Variants in ADGB observed in about 807,000 individuals in gnomAD.
The protein encoded by ADGB is androglobin, also known as calpain-7-like protein.
In ADGB, 172 loss-of-function variants were observed where a neutral mutation model predicts 210.5. That is an observed-to-expected ratio of 0.82 (90% CI 0.72 to 0.93). The LOEUF (loss-of-function observed/expected upper bound fraction) is 0.93, where lower values mean the gene tolerates loss of function less well. Among genes scored for constraint, ADGB ranks in the 40% least tolerant of loss-of-function variants. ADGB has a pLI of 0.00. For synonymous variants in ADGB, 658 were observed against 662.7 expected, an observed-to-expected ratio of 0.99 and a Z score of 0.11; for missense variants, 2,025 against 1,964.8, an observed-to-expected ratio of 1.03 and a Z score of -0.58.
chr6:146,814,960 CA>C, intron 35 of ADGB, 71 bp from the exon 36 acceptor site: 1 of 1,426,394 alleles, frequency 7.0e-7, no homozygotes, highest in Non-Finnish European at 9.4e-7. Context: ...AAAGGAATTT[CA>C]TTTTTTTCTT....
intron 31 of ADGB, 32 bp downstream of exon 31, chr6:146,784,826 A>G: frequency 2.6e-6 from 4 of 1,533,062 alleles, no homozygotes; most frequent in Non-Finnish European, 3.5e-6. Context: ...GTCATCTTTT[A>G]CTTTTCCTCC....
intron 33 of ADGB, among the ~76,000 whole-genome samples, chr6:146,799,793 T>C (rs373377510): frequency 6.6e-6 from 1 of 152,050 alleles, no homozygotes; most frequent in African/African-American, 2.4e-5. Flanking sequence ...AACGTAAAAC[T>C]GTTTCTTTTG....
chr6:146,632,966 G>T (rs1216996301), intron 1 of ADGB, among the ~76,000 whole-genome samples: 3 of 151,990 alleles, frequency 2.0e-5, no homozygotes, highest in African/African-American at 7.2e-5. Context: ...CCAGTCTTAA[G>T]ACTTTAAATA....
intron 13 of ADGB, among the ~76,000 whole-genome samples, chr6:146,710,088 C>T (rs1776638768): frequency 6.6e-6 from 1 of 150,470 alleles, no homozygotes; most frequent in Non-Finnish European, 1.5e-5. Context: ...AAATCTGGTT[C>T]CTTAAGCCAG....
rs533750030 is a variant in ADGB at position 146,683,540 on chromosome 6, A to G, written c.1217-2194A>G. Among the ~76,000 whole-genome samples, 30 of 152,172 alleles carry G rather than the reference A, an allele frequency of 2.0e-4. 1 individual carries two copies. The Middle Eastern group carries it at 0.027, about 138-fold the overall frequency. The stretch of plus-strand genomic sequence containing the variant: ...AACTAAACACTTGTGTTATTTTTTA[A>G]TATTTCAACATTACATATTACAATC... On this transcript the variant is annotated intron_variant, in intron 9 of 35. Transcript: ENST00000397944.
At chr6:146,744,845 A>G (rs1777206980) in intron 25 of ADGB, among the ~76,000 whole-genome samples, 1 of 152,318 alleles carries the variant, frequency 6.6e-6, no homozygotes, top group Non-Finnish European at 1.5e-5. Context: ...CCATTTAATA[A>G]CTTTTTCCTT....
At chr6:146,719,279 A>G (rs544302152) in intron 16 of ADGB, among the ~76,000 whole-genome samples, 1 of 152,374 alleles carries the variant, frequency 6.6e-6, no homozygotes, top group South Asian at 2.1e-4. Context: ...CTTTTGGTAC[A>G]CATAACCACC....
At chr6:146,809,762 T>G (rs1332144346) in intron 35 of ADGB, among the ~76,000 whole-genome samples, 2 of 152,098 alleles carry the variant, frequency 1.3e-5, no homozygotes, top group Admixed American at 6.5e-5. Flanking sequence ...AATATCCACA[T>G]GCAAAAGAAT....
chr6:146,691,576 T>C (rs1397724237), intron 11 of ADGB, among the ~76,000 whole-genome samples: 2 of 123,674 alleles, frequency 1.6e-5, no homozygotes, highest in African/African-American at 6.9e-5. Context: ...GGCATGATCT[T>C]GGCTCACTGC....
intron 23 of ADGB, among the ~76,000 whole-genome samples, chr6:146,737,852 C>G (rs1262387374): frequency 1.3e-5 from 2 of 152,198 alleles, no homozygotes; most frequent in Admixed American, 1.3e-4. Context: ...TGTGATCTTT[C>G]CACTACAGCC....
At chr6:146,651,866 G>A (rs972106224) in intron 3 of ADGB, among the ~76,000 whole-genome samples, 10 of 152,064 alleles carry the variant, frequency 6.6e-5, no homozygotes, top group Admixed American at 3.3e-4. Context: ...AGGAAAAAAA[G>A]TTTCAAAATG....
At chr6:146,661,220 C>CTTT (rs5880682) in intron 5 of ADGB, among the ~76,000 whole-genome samples, 13 of 116,074 alleles carry the variant, frequency 1.1e-4, no homozygotes, top group East Asian at 2.5e-4. Context: ...TTCTTTTTTT[C>CTTT]TTTTTTTTTT....
At chr6:146,618,374 C>T (rs1780835080) in intron 1 of ADGB, among the ~76,000 whole-genome samples, 1 of 151,496 alleles carries the variant, frequency 6.6e-6, no homozygotes, top group South Asian at 2.1e-4. Context: ...TCAGAAATAG[C>T]TCTGATATTT....
intron 20 of ADGB, among the ~76,000 whole-genome samples, chr6:146,730,198 T>G (rs1776958911): frequency 6.6e-6 from 1 of 152,218 alleles, no homozygotes; most frequent in East Asian, 1.9e-4. Flanking sequence ...CAAACTTGAC[T>G]GGGTGCTTGG....
intron 20 of ADGB, among the ~76,000 whole-genome samples, chr6:146,731,010 A>G (rs993251666): frequency 1.3e-5 from 2 of 152,194 alleles, no homozygotes; most frequent in African/African-American, 4.8e-5. Flanking sequence ...ATAACTTATC[A>G]TTACAAGTGT....
At chr6:146,603,123 A>C (rs1780583743) in intron 1 of ADGB, among the ~76,000 whole-genome samples, 1 of 152,210 alleles carries the variant, frequency 6.6e-6, no homozygotes, top group Non-Finnish European at 1.5e-5. Flanking sequence ...CATTCCATTG[A>C]GAATTAAAAT....
intron 8 of ADGB, among the ~76,000 whole-genome samples, chr6:146,675,247 A>T (rs1418114705): frequency 6.6e-6 from 1 of 152,138 alleles, no homozygotes; most frequent in Non-Finnish European, 1.5e-5. Context: ...TGAGCTCAGG[A>T]GTTCAAGACC....
At chr6:146,601,975 AAACTGAGATGTTAC>A (rs1317275347) in intron 1 of ADGB, among the ~76,000 whole-genome samples, 10 of 152,356 alleles carry the variant, frequency 6.6e-5, no homozygotes, top group African/African-American at 2.2e-4. Flanking sequence ...CAAAGTTCAA[AAACTGAGATGTTAC>A]AACTGATTAC....
chr6:146,739,880 CA>C (rs1777137856), intron 23 of ADGB, among the ~76,000 whole-genome samples: 2 of 152,174 alleles, frequency 1.3e-5, no homozygotes, highest in Non-Finnish European at 2.9e-5. Flanking sequence ...CACAGCCTTC[CA>C]GGGGGAAAAC....
Sources: gnomAD v4.1 joint callset for allele counts (sites outside exome capture counted in the v4.1 genomes callset) on GRCh38, gnomAD v4.1.1 for gene constraint, MANE v1.5 for transcripts, NCBI Gene and HGNC (gene_info 2026-07-23, HGNC 2026-07-21) for gene names.